The following NEBL variants were observed in gnomAD, a reference collection of about 807,000 sequenced individuals.
NEBL encodes the protein nebulette.
Under a neutral mutation model 140.2 loss-of-function variants are expected in NEBL, and 122 were observed. That is an observed-to-expected ratio of 0.87 (90% CI 0.75 to 1.01). NEBL has a LOEUF of 1.01. NEBL is among the 50% of genes least tolerant of loss of function. The pLI, the probability that NEBL is intolerant of heterozygous loss-of-function variation, is 0.00. For synonymous variants in NEBL, 436 were observed against 398.9 expected, an observed-to-expected ratio of 1.09 and a Z score of -1.11; for missense variants, 1,365 against 1,231.3, an observed-to-expected ratio of 1.11 and a Z score of -1.62.
At chr10:20,951,685 T>C (rs376257731) in intron 4 of NEBL, among the ~76,000 whole-genome samples, 14 of 152,278 alleles carry the variant, frequency 9.2e-5, no homozygotes, top group East Asian at 5.8e-4. Flanking sequence ...CTCTAAAACT[T>C]CATTGACATT....
chr10:20,844,192 C>T (rs1470078961), intron 12 of NEBL, among the ~76,000 whole-genome samples: 1 of 152,078 alleles, frequency 6.6e-6, no homozygotes, highest in Non-Finnish European at 1.5e-5. Flanking sequence ...GACCAGTTAG[C>T]ATTTGCTTAT....
At chr10:21,112,132 A>C (rs542721330) in intron 2 of NEBL, among the ~76,000 whole-genome samples, 3 of 152,354 alleles carry the variant, frequency 2.0e-5, no homozygotes, top group Admixed American at 1.3e-4. Context: ...ATGCTTTTAC[A>C]TGGTTGGTGG....
At chr10:21,172,258 A>G in intron 2 of NEBL, 1 of 750,810 alleles carries the variant, frequency 1.3e-6, no homozygotes. Context: ...CTGTGATATA[A>G]ACAGGTAACT....
At chr10:21,048,294 G>T (rs1279536770) in intron 2 of NEBL, among the ~76,000 whole-genome samples, 1 of 152,082 alleles carries the variant, frequency 6.6e-6, no homozygotes, top group East Asian at 1.9e-4. Context: ...ATTCCTTCAA[G>T]GAGAGTCACA....
At chr10:21,136,124 C>A (rs1167920881) in intron 2 of NEBL, among the ~76,000 whole-genome samples, 2 of 152,158 alleles carry the variant, frequency 1.3e-5, no homozygotes, top group Non-Finnish European at 1.5e-5. Context: ...GTGGAAGATA[C>A]TCTAACCCAA....
intron 2 of NEBL, among the ~76,000 whole-genome samples, chr10:21,045,684 G>A (rs1228017978): frequency 1.3e-5 from 2 of 152,190 alleles, no homozygotes; most frequent in Non-Finnish European, 2.9e-5. Flanking sequence ...CCTCACACTT[G>A]TTAGGATGGA....
intron 3 of NEBL, among the ~76,000 whole-genome samples, chr10:21,189,314 C>A (rs912368551): frequency 1.3e-5 from 2 of 152,048 alleles, no homozygotes; most frequent in Non-Finnish European, 2.9e-5. Context: ...TGGAGTGATG[C>A]AACCACAAGC....
At chr10:20,861,149 G>T (rs116973001) in intron 7 of NEBL, among the ~76,000 whole-genome samples, 2 of 152,130 alleles carry the variant, frequency 1.3e-5, no homozygotes, top group East Asian at 3.9e-4. Context: ...ACAGTAGGTG[G>T]CACAAAAGCA....
At chr10:21,125,209 C>T (rs1838765298) in intron 2 of NEBL, among the ~76,000 whole-genome samples, 2 of 149,048 alleles carry the variant, frequency 1.3e-5, no homozygotes, top group Admixed American at 6.6e-5. Context: ...CACACGCACA[C>T]ACATGCACAC....
intron 3 of NEBL, among the ~76,000 whole-genome samples, chr10:20,980,868 A>C (rs1837011072): frequency 6.6e-6 from 1 of 152,218 alleles, no homozygotes; most frequent in Admixed American, 6.5e-5. Flanking sequence ...TCCTTCTAAC[A>C]GGCAAGAATT....
At chr10:21,265,488 C>T (rs1262657233) in intron 1 of NEBL, among the ~76,000 whole-genome samples, 3 of 152,120 alleles carry the variant, frequency 2.0e-5, no homozygotes, top group Non-Finnish European at 4.4e-5. Flanking sequence ...TTTAAGAAGC[C>T]TTAAGTATTT....
Position 20,785,849 on chromosome 10 carries a change from G to T in NEBL, c.2943C>A (p.Ile981=). ...CATCGTCAATAGGCTGCACGTTGAC[G>T]ATGTAGTCGCCGTCTCTAAAGGAGA... The part of the protein sequence containing the change: ...DEVSFRDGDY[I]VNVQPIDDGW... The change falls in exon 28 of 28, where the codon ATC becomes ATA. Residue 981 remains isoleucine, a synonymous_variant. Transcript: ENST00000377122. 1 of 1,614,006 alleles carries T rather than the reference G, an allele frequency of 6.2e-7. No homozygotes were observed. Among genetic ancestry groups the T allele is most frequent in the Non-Finnish European group, 8.5e-7 (1 of 1,179,950 alleles).
intron 7 of NEBL, among the ~76,000 whole-genome samples, chr10:20,863,918 T>C (rs1337008648): frequency 1.3e-5 from 2 of 152,118 alleles, no homozygotes; most frequent in African/African-American, 4.8e-5. Context: ...TTGGGTGTGA[T>C]GAGGTTGGAG....
intron 2 of NEBL, among the ~76,000 whole-genome samples, chr10:21,024,627 T>C (rs661924): frequency 0.57 from 86,165 of 151,968 alleles, 25,391 homozygotes; most frequent in South Asian, 0.7. Context: ...TACTGCCTTA[T>C]ACTGAAAATG....
intron 2 of NEBL, among the ~76,000 whole-genome samples, chr10:21,166,691 G>A (rs771423010): frequency 1.4e-4 from 21 of 152,214 alleles, no homozygotes; most frequent in Non-Finnish European, 2.5e-4. Context: ...TGGAGAAACT[G>A]ATGCTTGGCA....
intron 3 of NEBL, among the ~76,000 whole-genome samples, chr10:21,190,565 C>T (rs1239914060): frequency 2.0e-5 from 3 of 152,044 alleles, no homozygotes; most frequent in African/African-American, 7.2e-5. Context: ...CAGAATCGTC[C>T]AAGGATAATT....
At position 20,890,047 on chromosome 10, in the gene NEBL, A is replaced by G. The variant is rs952185249; in HGVS notation, c.154-98T>C. The G allele has an allele frequency of 1.2e-5, 9 of 781,286 alleles. No homozygotes were observed. In the East Asian group the frequency reaches 2.4e-4, roughly 21 times the overall value. 48.4% of individuals were successfully genotyped at this position (781,286 alleles called of 1,614,324 possible). On this transcript the variant is annotated intron_variant, in intron 2 of 27. Coordinates refer to ENST00000377122, the MANE Select transcript of NEBL (RefSeq NM_006393.3). Reference sequence around the variant, plus strand: ...TAGGTTGATAAAGTCCATTTACTGAAGTAAATACTCAAGTGTGAAAGGGAC... The same window carrying G: ...TAGGTTGATAAAGTCCATTTACTGAGGTAAATACTCAAGTGTGAAAGGGAC...
At chr10:21,175,808 C>T (rs943785414), upstream of NEBL, among the ~76,000 whole-genome samples, 1 of 152,112 alleles carries the variant, frequency 6.6e-6, no homozygotes, top group Non-Finnish European at 1.5e-5. Context: ...AGTATGTGAT[C>T]GCCTGAAAGG....
At chr10:20,831,910 A>G (rs928619229) in intron 14 of NEBL, among the ~76,000 whole-genome samples, 1 of 152,138 alleles carries the variant, frequency 6.6e-6, no homozygotes, top group Admixed American at 6.6e-5. Context: ...AGTGTCAGTC[A>G]AGAGTGATTG....
Sources: gnomAD v4.1 joint callset for allele counts (sites outside exome capture counted in the v4.1 genomes callset) on GRCh38, gnomAD v4.1.1 for gene constraint, MANE v1.5 for transcripts, NCBI Gene and HGNC (gene_info 2026-07-23, HGNC 2026-07-21) for gene names.